CHN2: variants seen among roughly 807,000 people sequenced by gnomAD.
The protein encoded by CHN2 is beta-chimaerin.
In CHN2, 35 loss-of-function variants were observed where a neutral mutation model predicts 56.3. The observed-to-expected ratio is 0.62, with a 90% CI of 0.47 to 0.82. CHN2 has a LOEUF of 0.82. Ranked by LOEUF, CHN2 falls within the 40% of genes least tolerant of loss-of-function variation. CHN2 has a pLI of 0.00. For synonymous variants in CHN2, 210 were observed against 212.8 expected (o/e 0.99, Z 0.12); for missense variants, 491 against 580.5 (o/e 0.85, Z 1.58).
intron 2 of CHN2, among the ~76,000 whole-genome samples, chr7:29,358,192 T>C (rs562298064): frequency 6.6e-6 from 1 of 152,332 alleles, no homozygotes; most frequent in South Asian, 2.1e-4. Context: ...TAATGTCAGA[T>C]TCTTGTTATG....
intron 1 of CHN2, among the ~76,000 whole-genome samples, chr7:29,203,088 G>C (rs1405445739): frequency 1.3e-5 from 2 of 152,242 alleles, no homozygotes; most frequent in Non-Finnish European, 2.9e-5. Flanking sequence ...TCACACTAGA[G>C]TTCAAACGCT....
chr7:29,436,690 G>A lies in CHN2; in HGVS notation c.576+35862G>A, dbSNP rs530088339. ...CCAAAGACAGACTATAGACCACACC[G>A]TTTGTCCCCTAAGTTATTAACCAAT... On this transcript the variant is annotated intron_variant, in intron 6 of 12. Transcript: ENST00000222792. Among the ~76,000 whole-genome samples, 8 of 152,164 alleles carry A rather than the reference G, an allele frequency of 5.3e-5. No homozygotes were observed. The East Asian group carries it at 5.8e-4, about 11-fold the overall frequency.
intron 1 of CHN2, among the ~76,000 whole-genome samples, chr7:29,204,662 A>G (rs888387267): frequency 6.6e-6 from 1 of 152,154 alleles, no homozygotes; most frequent in Non-Finnish European, 1.5e-5. Context: ...CTCATGATCA[A>G]TGCCTAGGGT....
At chr7:29,373,843 C>T (rs1435372141) in intron 3 of CHN2, among the ~76,000 whole-genome samples, 1 of 152,168 alleles carries the variant, frequency 6.6e-6, no homozygotes, top group Non-Finnish European at 1.5e-5. Context: ...TTTTGAATCA[C>T]AGATTTTAAA....
At chr7:29,335,135 T>C (rs1796520025) in intron 1 of CHN2, among the ~76,000 whole-genome samples, 1 of 152,222 alleles carries the variant, frequency 6.6e-6, no homozygotes, top group Admixed American at 6.5e-5. Flanking sequence ...CATGCCTTCT[T>C]TCTGGAGCCA....
chr7:29,199,757 A>G (rs541973130), intron 1 of CHN2: 4 of 152,314 alleles, frequency 2.6e-5, no homozygotes, highest in South Asian at 2.1e-4. Context: ...AGCATGCTAC[A>G]TATTTGCAGT....
At chr7:29,476,293 T>C (rs1786576682) in intron 6 of CHN2, among the ~76,000 whole-genome samples, 1 of 151,792 alleles carries the variant, frequency 6.6e-6, no homozygotes, top group Non-Finnish European at 1.5e-5. Context: ...TCCTAGCACT[T>C]TGGGAGAACA....
Position 29,513,117 on chromosome 7 carries a change from AAG to A in CHN2, c.*384_*385del, listed in dbSNP as rs894643484. ...CAGTTATACATTTTCCACTTACAAA[AAG>A]AAGACAATTCTGTTAAATGAAACGT... is the stretch of plus-strand genomic sequence containing the variant. On this transcript the variant is annotated 3_prime_UTR_variant, in exon 13 of 13. Transcript: ENST00000222792. 1.1e-4 allele frequency: 18 copies of A among 162,106 alleles called. No individual in the cohort carries two copies. Among genetic ancestry groups the A allele is most frequent in the African/African-American group, 3.6e-4 (15 of 41,732 alleles). The allele number at this position is 162,106 out of a possible 1,614,324, so 10.0% of individuals were successfully genotyped here.
At chr7:29,285,297 A>T (rs183768787) in intron 1 of CHN2, among the ~76,000 whole-genome samples, 2 of 152,178 alleles carry the variant, frequency 1.3e-5, no homozygotes, top group Non-Finnish European at 2.9e-5. Context: ...CTCTTTTTCC[A>T]TAGGAGAATG....
intron 3 of CHN2, among the ~76,000 whole-genome samples, chr7:29,381,812 A>C (rs1402359171): frequency 9.2e-6 from 1 of 108,614 alleles, no homozygotes; most frequent in African/African-American, 4.8e-5. Flanking sequence ...AACTAAGCAA[A>C]AAAAAAAAAA....
chr7:29,348,686 C>T (rs1047940629), intron 1 of CHN2, among the ~76,000 whole-genome samples: 2 of 152,124 alleles, frequency 1.3e-5, no homozygotes, highest in Admixed American at 6.5e-5. Context: ...TGTGTTATTA[C>T]AACAGTTATT....
intron 12 of CHN2, among the ~76,000 whole-genome samples, chr7:29,511,133 T>G (rs1791305144): frequency 2.5e-5 from 1 of 40,330 alleles, no homozygotes; most frequent in Admixed American, 2.3e-4. Flanking sequence ...ATCTACTTAG[T>G]ATGTGAAAAG....
chr7:29,210,043 C>T (rs1784799381), intron 1 of CHN2, among the ~76,000 whole-genome samples: 1 of 152,078 alleles, frequency 6.6e-6, no homozygotes, highest in African/African-American at 2.4e-5. Flanking sequence ...GACTTTGATG[C>T]TTATGTGTAG....
At chr7:29,292,345 T>A (rs563879876) in intron 1 of CHN2, among the ~76,000 whole-genome samples, 20 of 152,344 alleles carry the variant, frequency 1.3e-4, no homozygotes, top group Non-Finnish European at 2.8e-4. Context: ...GAGCTTATAA[T>A]GGAACTCAGG....
intron 12 of CHN2, 135 bp downstream of exon 12, chr7:29,509,541 G>A (rs1055637396): frequency 4.3e-5 from 28 of 647,260 alleles, no homozygotes; most frequent in Non-Finnish European, 5.7e-5. Flanking sequence ...GGCACTTTCA[G>A]TGTATCATCC....
intron 8 of CHN2, among the ~76,000 whole-genome samples, chr7:29,499,211 A>T (rs1395815944): frequency 1.3e-5 from 2 of 152,160 alleles, no homozygotes; most frequent in Non-Finnish European, 2.9e-5. Context: ...ATTACATGGT[A>T]TTGTTATAAA....
At chr7:29,491,123 T>C (rs971496905) in intron 7 of CHN2, among the ~76,000 whole-genome samples, 2 of 152,320 alleles carry the variant, frequency 1.3e-5, no homozygotes, top group East Asian at 1.9e-4. Flanking sequence ...TCACTAATAA[T>C]GCAAATATAT....
At chr7:29,211,847 T>C (rs2128781259) in intron 1 of CHN2, among the ~76,000 whole-genome samples, 1 of 152,364 alleles carries the variant, frequency 6.6e-6, no homozygotes, top group South Asian at 2.1e-4. Context: ...AAAAGTTTCG[T>C]CTTTCCCTAC....
chr7:29,195,037 C>T (rs759039119), intron 1 of CHN2, 47 bp downstream of exon 1: 3 of 1,563,642 alleles, frequency 1.9e-6, no homozygotes, highest in Non-Finnish European at 1.7e-6. Flanking sequence ...GGTCTCGCCC[C>T]ACTGCCCTCG....
Sources: allele counts gnomAD v4.1 joint callset (sites outside exome capture counted in the v4.1 genomes callset), GRCh38; gene constraint gnomAD v4.1.1; transcripts MANE v1.5; gene names NCBI Gene and HGNC (gene_info 2026-07-23, HGNC 2026-07-21).